ADAMTS3: variants seen among roughly 807,000 people sequenced by gnomAD.
ADAMTS3 encodes A disintegrin and metalloproteinase with thrombospondin motifs 3.
In ADAMTS3, 73 loss-of-function variants were observed where a neutral mutation model predicts 129.0. The ratio of observed to expected loss-of-function variants is 0.57; its 90% CI spans 0.47 to 0.69. The LOEUF is 0.69. Ranked by LOEUF, ADAMTS3 falls within the 30% of genes least tolerant of loss-of-function variation. The probability of loss-of-function intolerance (pLI) is 0.00; values close to 1 mark genes in which losing one functional copy is unlikely to be tolerated. For missense variants in ADAMTS3, 1,457 were observed against 1,514.5 expected (o/e 0.96, Z 0.63); for synonymous variants, 477 against 510.8 (o/e 0.93, Z 0.89).
intron 3 of ADAMTS3, among the ~76,000 whole-genome samples, chr4:72,416,208 A>ATATATTCATATATGTAT (rs1560507666): frequency 1.1e-4 from 3 of 27,752 alleles, no homozygotes; most frequent in African/African-American, 2.5e-4. Context: ...TATATAAATA[A>ATATATTCATATATGTAT]ATAAATATAT....
chr4:72,350,432 T>G (rs1720403946), intron 4 of ADAMTS3, among the ~76,000 whole-genome samples: 1 of 152,080 alleles, frequency 6.6e-6, no homozygotes, highest in Non-Finnish European at 1.5e-5. Flanking sequence ...AGATTTATTT[T>G]TCTCATCATT....
At chr4:72,330,328 C>T (rs1711400072) in intron 5 of ADAMTS3, among the ~76,000 whole-genome samples, 1 of 152,050 alleles carries the variant, frequency 6.6e-6, no homozygotes, top group Non-Finnish European at 1.5e-5. Flanking sequence ...TGGCCCCAAA[C>T]TTTTATGTAT....
At chr4:72,501,978 C>T (rs1720038551) in intron 3 of ADAMTS3, among the ~76,000 whole-genome samples, 1 of 151,996 alleles carries the variant, frequency 6.6e-6, no homozygotes, top group Non-Finnish European at 1.5e-5. Context: ...GATCATGGTG[C>T]ATTCACTTTT....
chr4:72,311,890 T>C (rs1719244658), intron 13 of ADAMTS3, among the ~76,000 whole-genome samples: 2 of 152,184 alleles, frequency 1.3e-5, no homozygotes, highest in Non-Finnish European at 2.9e-5. Context: ...TCTTTTGTTA[T>C]TAAATTATGA....
chr4:72,464,834 T>A (rs1041873941), intron 3 of ADAMTS3, among the ~76,000 whole-genome samples: 1 of 152,202 alleles, frequency 6.6e-6, no homozygotes, highest in African/African-American at 2.4e-5. Flanking sequence ...ATAACCTTCA[T>A]CTTAGAAGTT....
intron 3 of ADAMTS3, among the ~76,000 whole-genome samples, chr4:72,436,356 A>G (rs186957112): frequency 6.4e-4 from 97 of 152,266 alleles, no homozygotes; most frequent in Non-Finnish European, 6.0e-4. Flanking sequence ...TCAGGAAACA[A>G]CAGGTGCTGG....
chr4:72,544,178 A>T (rs1482126471), intron 3 of ADAMTS3, among the ~76,000 whole-genome samples: 9 of 152,132 alleles, frequency 5.9e-5, no homozygotes, highest in Non-Finnish European at 1.3e-4. Flanking sequence ...CTCAAAAATT[A>T]ATCAACTGTT....
At chr4:72,326,549 TGA>T in intron 5 of ADAMTS3, among the ~76,000 whole-genome samples, 1 of 152,252 alleles carries the variant, frequency 6.6e-6, no homozygotes, top group African/African-American at 2.4e-5. Flanking sequence ...TCATTTAACC[TGA>T]GTCTCGATTT....
At chr4:72,494,735 C>T (rs1220998582) in intron 3 of ADAMTS3, among the ~76,000 whole-genome samples, 3 of 152,206 alleles carry the variant, frequency 2.0e-5, no homozygotes, top group South Asian at 2.1e-4. Context: ...AGATATTTAC[C>T]TAAGGTAGGG....
intron 17 of ADAMTS3, 30 bp downstream of exon 17, chr4:72,303,887 A>T: frequency 6.2e-7 from 1 of 1,609,286 alleles, no homozygotes; most frequent in Non-Finnish European, 8.5e-7. Flanking sequence ...AGCTGAGCTA[A>T]CTATACCATG....
intron 3 of ADAMTS3, among the ~76,000 whole-genome samples, chr4:72,468,822 T>A (rs550265510): frequency 4.6e-5 from 7 of 152,142 alleles, no homozygotes; most frequent in African/African-American, 1.7e-4. Flanking sequence ...ATCTTGCCAG[T>A]GCATATCACA....
intron 3 of ADAMTS3, among the ~76,000 whole-genome samples, chr4:72,514,193 T>C (rs568281703): frequency 6.6e-6 from 1 of 152,210 alleles, no homozygotes; most frequent in South Asian, 2.1e-4. Flanking sequence ...CACTGATGGG[T>C]CCCCTTAATA....
chr4:72,534,255 T>A (rs788916), intron 3 of ADAMTS3, among the ~76,000 whole-genome samples: 1 of 152,210 alleles, frequency 6.6e-6, no homozygotes, highest in Non-Finnish European at 1.5e-5. Flanking sequence ...TGAACCCGGG[T>A]GGCGGAGTTT....
At chr4:72,373,112 C>A (rs980207796) in intron 4 of ADAMTS3, among the ~76,000 whole-genome samples, 7 of 152,102 alleles carry the variant, frequency 4.6e-5, no homozygotes, top group Non-Finnish European at 7.4e-5. Flanking sequence ...TAAAAAATTA[C>A]ATGGAAACGG....
At chr4:72,299,076 T>TGC (rs1438242229) in intron 17 of ADAMTS3, among the ~76,000 whole-genome samples, 1 of 151,230 alleles carries the variant, frequency 6.6e-6, no homozygotes, top group Non-Finnish European at 1.5e-5. Flanking sequence ...TGTGTGTGTG[T>TGC]GTGTGTGTGT....
intron 3 of ADAMTS3, among the ~76,000 whole-genome samples, chr4:72,496,601 G>T (rs181033621): frequency 1.3e-5 from 2 of 151,994 alleles, no homozygotes; most frequent in Admixed American, 1.3e-4. Flanking sequence ...AGATTTTCCA[G>T]CCCACCAGGA....
At chr4:72,467,107 CT>C (rs1037400425) in intron 3 of ADAMTS3, among the ~76,000 whole-genome samples, 3 of 152,040 alleles carry the variant, frequency 2.0e-5, no homozygotes, top group African/African-American at 7.2e-5. Flanking sequence ...AAGCTTTCCC[CT>C]CTCCTCCATT....
chr4:72,415,252 A>G (rs915067408), intron 3 of ADAMTS3, among the ~76,000 whole-genome samples: 2 of 152,064 alleles, frequency 1.3e-5, no homozygotes, highest in African/African-American at 2.4e-5. Flanking sequence ...TATATATTTT[A>G]TCAAACTGCA....
Position 72,371,485 on chromosome 4 carries a change from C to T in ADAMTS3, c.662-31792G>A, listed in dbSNP as rs368358574. Among the ~76,000 whole-genome samples the T allele has an allele frequency of 2.0e-5, 3 of 149,958 alleles. No homozygotes were observed. The South Asian group carries it at 6.4e-4, about 32-fold the overall frequency. ...AATAAATAAATAAATAAAGTAGATGCAGCTATAACAATATTAGATAAGCTA... is the reference window on the plus strand; with the variant it reads ...AATAAATAAATAAATAAAGTAGATGTAGCTATAACAATATTAGATAAGCTA... On this transcript the variant is annotated intron_variant, in intron 4 of 21. Transcript: ENST00000286657.
Sources: allele counts gnomAD v4.1 joint callset (sites outside exome capture counted in the v4.1 genomes callset), GRCh38; gene constraint gnomAD v4.1.1; transcripts MANE v1.5; gene names NCBI Gene and HGNC (gene_info 2026-07-23, HGNC 2026-07-21).